Variants in ADD3 observed in about 807,000 individuals in gnomAD.
ADD3 encodes gamma-adducin.
In ADD3, 25 loss-of-function variants were observed where a neutral mutation model predicts 80.2. The observed-to-expected ratio is 0.31, with a 90% CI of 0.23 to 0.44. ADD3 has a LOEUF of 0.44. ADD3 is among the 20% of genes least tolerant of loss of function. The pLI is 1.00. For synonymous variants in ADD3, 284 were observed against 289.6 expected, an observed-to-expected ratio of 0.98 and a Z score of 0.20; for missense variants, 829 against 847.5, an observed-to-expected ratio of 0.98 and a Z score of 0.27.
intron 1 of ADD3, among the ~76,000 whole-genome samples, chr10:110,017,934 A>G (rs1853191191): frequency 6.6e-6 from 1 of 152,222 alleles, no homozygotes; most frequent in Admixed American, 6.5e-5. Flanking sequence ...TATAACCAAA[A>G]GCTTCTAAAA....
intron 1 of ADD3, among the ~76,000 whole-genome samples, chr10:110,009,900 A>G (rs1191362263): frequency 1.3e-5 from 2 of 152,246 alleles, no homozygotes; most frequent in Non-Finnish European, 2.9e-5. Context: ...CATATATGAT[A>G]TCAGGAAATG....
chr10:110,067,613 T>G (rs1315440735), intron 1 of ADD3, among the ~76,000 whole-genome samples: 1 of 152,196 alleles, frequency 6.6e-6, no homozygotes, highest in Non-Finnish European at 1.5e-5. Context: ...CTGCCATATT[T>G]AAAGTTGGAG....
At chr10:110,031,672 C>A (rs376950555) in intron 1 of ADD3, among the ~76,000 whole-genome samples, 2 of 151,686 alleles carry the variant, frequency 1.3e-5, no homozygotes, top group African/African-American at 4.9e-5. Flanking sequence ...TGGTGGATGA[C>A]TTTAATGCGC....
At chr10:110,071,271 T>G (rs1844674749) in intron 1 of ADD3, among the ~76,000 whole-genome samples, 1 of 152,134 alleles carries the variant, frequency 6.6e-6, no homozygotes, top group East Asian at 1.9e-4. Context: ...AAGTAACATT[T>G]TTAACAAATT....
At chr10:110,072,483 G>A (rs530324932) in intron 1 of ADD3, among the ~76,000 whole-genome samples, 8 of 152,336 alleles carry the variant, frequency 5.3e-5, no homozygotes, top group South Asian at 2.1e-4. Context: ...GACAGTTAGT[G>A]TAAGGAGTGC....
At chr10:110,095,536 T>C (rs1036834083) in intron 1 of ADD3, among the ~76,000 whole-genome samples, 6 of 152,246 alleles carry the variant, frequency 3.9e-5, no homozygotes, top group African/African-American at 2.4e-5. Flanking sequence ...GAAGCACATA[T>C]CAGTATTCCA....
At chr10:110,024,313 T>C (rs1261258291) in intron 1 of ADD3, among the ~76,000 whole-genome samples, 2 of 152,216 alleles carry the variant, frequency 1.3e-5, no homozygotes, top group South Asian at 2.1e-4. Flanking sequence ...TGGTGGTTTA[T>C]CTTGAAACTT....
At chr10:110,039,822 G>A (rs1011864453) in intron 1 of ADD3, among the ~76,000 whole-genome samples, 1 of 152,174 alleles carries the variant, frequency 6.6e-6, no homozygotes, top group Non-Finnish European at 1.5e-5. Flanking sequence ...GCTCTTGGTT[G>A]TTAGCAATGC....
chr10:110,055,841 A>G (rs1463368010), intron 1 of ADD3, among the ~76,000 whole-genome samples: 1 of 152,230 alleles, frequency 6.6e-6, no homozygotes, highest in African/African-American at 2.4e-5. Flanking sequence ...ATGCTGATAG[A>G]GATTACACAG....
chr10:110,018,801 C>T (rs940246146), intron 1 of ADD3, among the ~76,000 whole-genome samples: 2 of 152,100 alleles, frequency 1.3e-5, no homozygotes, highest in African/African-American at 4.8e-5. Flanking sequence ...GGACTGGCCT[C>T]CCTAGGAAAT....
intron 1 of ADD3, among the ~76,000 whole-genome samples, chr10:110,076,531 T>C (rs1044887412): frequency 2.0e-5 from 3 of 152,202 alleles, no homozygotes; most frequent in Admixed American, 6.5e-5. Context: ...AACGTTTTTA[T>C]TGTTTGTGTA....
chr10:110,019,077 A>G (rs1853343942), intron 1 of ADD3, among the ~76,000 whole-genome samples: 1 of 152,218 alleles, frequency 6.6e-6, no homozygotes, highest in Non-Finnish European at 1.5e-5. Context: ...GTATTTGTCC[A>G]TCATTTACTT....
At chr10:110,133,274 CA>C in intron 14 of ADD3, 51 bp from the exon 15 acceptor site, 1 of 1,508,764 alleles carries the variant, frequency 6.6e-7, no homozygotes, top group Non-Finnish European at 8.9e-7. Flanking sequence ...TAAAGTAGAG[CA>C]AAAATGTTAA....
chr10:110,007,070 G>C (rs779111802), upstream of ADD3, among the ~76,000 whole-genome samples: 3 of 152,188 alleles, frequency 2.0e-5, no homozygotes, highest in Non-Finnish European at 2.9e-5. Flanking sequence ...CTGGGCGAGG[G>C]GGGTGGGAGG....
intron 12 of ADD3, 152 bp downstream of exon 12, chr10:110,126,655 G>A: frequency 1.6e-6 from 1 of 615,276 alleles, no homozygotes; most frequent in Non-Finnish European, 2.8e-6. Context: ...ACAATTCCCA[G>A]TTTCCAGGTG....
intron 1 of ADD3, among the ~76,000 whole-genome samples, chr10:110,034,084 TC>T (rs1477588837): frequency 6.6e-6 from 1 of 152,182 alleles, no homozygotes; most frequent in Non-Finnish European, 1.5e-5. Flanking sequence ...AGTCTCTAGT[TC>T]CATCCCGTGG....
intron 1 of ADD3, among the ~76,000 whole-genome samples, chr10:110,082,699 T>C (rs766227943): frequency 2.0e-5 from 3 of 152,254 alleles, no homozygotes; most frequent in Non-Finnish European, 4.4e-5. Context: ...TCATTATTTG[T>C]ACGTGGTCTC....
chr10:110,089,407 A>G (rs149543558), intron 1 of ADD3, among the ~76,000 whole-genome samples: 2 of 152,288 alleles, frequency 1.3e-5, no homozygotes, highest in East Asian at 1.9e-4. Context: ...AATGTCTGAG[A>G]CGCACATCTA....
intron 1 of ADD3, among the ~76,000 whole-genome samples, chr10:110,081,137 A>T (rs1395331119): frequency 2.6e-5 from 4 of 152,238 alleles, no homozygotes; most frequent in Non-Finnish European, 5.9e-5. Flanking sequence ...TGGTTACCTT[A>T]GTTTCTTTGC....
Sources: gnomAD v4.1 joint callset for allele counts (sites outside exome capture counted in the v4.1 genomes callset) on GRCh38, gnomAD v4.1.1 for gene constraint, MANE v1.5 for transcripts, NCBI Gene and HGNC (gene_info 2026-07-23, HGNC 2026-07-21) for gene names.